The following C16orf54 variants were observed in gnomAD, a reference collection of about 807,000 sequenced individuals.
C16orf54 encodes the protein chromosome 16 open reading frame 54, also known as transmembrane protein C16orf54.
In C16orf54, 2 loss-of-function variants were observed where a neutral mutation model predicts 3.9. The observed-to-expected ratio is 0.52, with a 90% CI of 0.21 to 1.63. C16orf54 has a LOEUF of 1.63. C16orf54 is among the 40% of genes most tolerant of loss of function. C16orf54 has a pLI of 0.21. For synonymous variants in C16orf54, 128 were observed against 135.1 expected (o/e 0.95, Z 0.37); for missense variants, 272 against 326.3 (o/e 0.83, Z 1.28).
In C16orf54 at chr16:29,744,137, C is replaced by T. The variant is rs898697809; in HGVS notation, c.*140G>A. The T allele has an allele frequency of 2.6e-5, 21 of 809,818 alleles. No homozygotes were observed. Among genetic ancestry groups the T allele is most frequent in the Admixed American group, 5.2e-5 (2 of 38,454 alleles). The allele number at this position is 809,818 out of a possible 1,614,324, so 50.2% of individuals were successfully genotyped here. Reference sequence around the variant, plus strand: ...ACATAGCCTGGCCACCACCCAGACCCGGGGAGGGGGACTCCAGGTGGAAGG... The same window carrying T: ...ACATAGCCTGGCCACCACCCAGACCTGGGGAGGGGGACTCCAGGTGGAAGG... On this transcript the variant is annotated 3_prime_UTR_variant, in exon 2 of 2. Coordinates refer to ENST00000329410, the MANE Select transcript of C16orf54 (RefSeq NM_175900.4). The surrounding 1 kb of genome is among the most constrained non-coding windows in gnomAD (Gnocchi z 7.1).
Position 29,744,345 on chromosome 16 carries a change from G to A in C16orf54, c.607C>T (p.Pro203Ser), listed in dbSNP as rs1296818682. 6.2e-7 allele frequency: 1 copy of A among 1,612,840 alleles called. No individual in the cohort carries two copies. Among genetic ancestry groups the A allele is most frequent in the African/African-American group, 1.3e-5 (1 of 74,952 alleles). ...GSPDPEWGLQ[P>S]RVTLEQISAF... ...GAGATCTGCTCCAAGGTGACCCGTG[G>A]CTGGAGGCCCCACTCAGGATCCGGG... The change falls in exon 2 of 2, where the codon CCA (proline) becomes TCA (serine). Residue 203 changes from proline (P) to serine (S), a missense_variant. Pro to Ser is a moderately conservative substitution (Grantham distance 74). Coordinates refer to ENST00000329410, the MANE Select transcript of C16orf54 (RefSeq NM_175900.4). This position sits in a 1 kb window ranked among gnomAD's most constrained non-coding sequence, Gnocchi z 7.1.
intron 1 of C16orf54, 170 bp from the exon 2 acceptor site, chr16:29,745,121 C>A (rs939185803): frequency 1.5e-6 from 1 of 654,192 alleles, no homozygotes. Flanking sequence ...TCACTTGAGC[C>A]CAGGAGTTCA....
At position 29,744,962 on chromosome 16, in the gene C16orf54, CAG is replaced by C. The variant is rs746496809; in HGVS notation, c.1-13_1-12del. ...TGGAGTCAACGGCATCTGAGAGACACAGGGGTGAGAAGAGGAAGTAAATGAGG... is the reference window on the plus strand; with the variant it reads ...TGGAGTCAACGGCATCTGAGAGACACGGGTGAGAAGAGGAAGTAAATGAGG... On this transcript the variant is annotated splice_polypyrimidine_tract_variant and intron_variant, in intron 1 of 1. Transcript: ENST00000329410. This position sits in a 1 kb window ranked among gnomAD's most constrained non-coding sequence, Gnocchi z 7.1. 22 of 1,430,276 alleles carry C rather than the reference CAG, an allele frequency of 1.5e-5. No individual in the cohort carries two copies. Among genetic ancestry groups the C allele is most frequent in the South Asian group, 4.7e-5 (3 of 63,420 alleles). The allele number at this position is 1,430,276 out of a possible 1,614,324, so 88.6% of individuals were successfully genotyped here.
intron 1 of C16orf54, 199 bp from the exon 2 acceptor site, chr16:29,745,150 A>G: frequency 2.2e-6 from 1 of 452,894 alleles, no homozygotes; most frequent in East Asian, 3.5e-5. Context: ...CTGGACACAC[A>G]GTGAAACCTC....
rs752887121 is a variant in C16orf54, at chr16:29,744,855, G to T, written c.97C>A (p.Pro33Thr). 1.4e-6 allele frequency: 2 copies of T among 1,479,964 alleles called. No individual in the cohort carries two copies. Among genetic ancestry groups the T allele is most frequent in the Admixed American group, 2.7e-5 (1 of 36,782 alleles). 91.7% of individuals were successfully genotyped at this position (1,479,964 alleles called of 1,614,324 possible). ...WPSLPCGPCI[P>T]IMLVLATLAA... ...AGGGTGGCCAGGACCAGCATGATGGGGATGCAGGGCCCACAGGGCAGTGAG... is the reference window on the plus strand; with the variant it reads ...AGGGTGGCCAGGACCAGCATGATGGTGATGCAGGGCCCACAGGGCAGTGAG... The change falls in exon 2 of 2, where the codon CCC becomes ACC. Residue 33 changes from proline to threonine, a missense_variant. Pro to Thr is a conservative substitution (Grantham distance 38, BLOSUM62 -1). Coordinates refer to ENST00000329410, the MANE Select transcript of C16orf54 (RefSeq NM_175900.4). This position sits in a 1 kb window ranked among gnomAD's most constrained non-coding sequence, Gnocchi z 7.1.
At position 29,742,634 on chromosome 16, in the gene C16orf54, C is replaced by T. The variant is rs1968076628; in HGVS notation, c.*1643G>A. The T allele has an allele frequency of 6.6e-6, 1 of 152,006 alleles. No homozygotes were observed. The highest frequency in any genetic ancestry group is 1.5e-5 in the Non-Finnish European group (1 of 68,008). 9.4% of individuals were successfully genotyped at this position (152,006 alleles called of 1,614,324 possible). The stretch of plus-strand genomic sequence containing the variant: ...AGCAAATAATTGTACAGATGGTAAA[C>T]TAATATGGCAAAATCACTAATATTC... On this transcript the variant is annotated 3_prime_UTR_variant, in exon 2 of 2. Transcript: ENST00000329410.
rs372993933 is a variant in C16orf54, at chr16:29,744,690, C to G, written c.262G>C (p.Ala88Pro). 6.8e-7 allele frequency: 1 copy of G among 1,469,454 alleles called. No homozygotes were observed. Among genetic ancestry groups the G allele is most frequent in the South Asian group, 1.5e-5 (1 of 68,338 alleles). 91.0% of individuals were successfully genotyped at this position (1,469,454 alleles called of 1,614,324 possible). The part of the protein sequence containing the change: ...GELWIEPMGT[A>P]RERSEDWYGS... ...TACCAGTCCTCAGAGCGCTCTCGGG[C>G]GGTGCCCATGGGCTCAATCCACAGC... is the stretch of plus-strand genomic sequence containing the variant. The change falls in exon 2 of 2, where the codon GCC (alanine) becomes CCC (proline). Residue 88 changes from alanine to proline, a missense_variant. Coordinates refer to ENST00000329410, the MANE Select transcript of C16orf54 (RefSeq NM_175900.4). The surrounding 1 kb of genome is among the most constrained non-coding windows in gnomAD (Gnocchi z 7.1).
In C16orf54 at chr16:29,744,682, C is replaced by T; in HGVS notation, c.270G>A (p.Glu90=). The T allele has an allele frequency of 5.4e-6, 8 of 1,470,888 alleles. No homozygotes were observed. Among genetic ancestry groups the T allele is most frequent in the Non-Finnish European group, 7.2e-6 (8 of 1,112,066 alleles). The allele number at this position is 1,470,888 out of a possible 1,614,324, so 91.1% of individuals were successfully genotyped here. The part of the protein sequence containing the change: ...LWIEPMGTAR[E]RSEDWYGSAV... ...CAGAGCCATACCAGTCCTCAGAGCG[C>T]TCTCGGGCGGTGCCCATGGGCTCAA... Residue 90 remains glutamate (E), a synonymous_variant, in exon 2 of 2, where the codon GAG becomes GAA. Coordinates refer to ENST00000329410, the MANE Select transcript of C16orf54 (RefSeq NM_175900.4). The surrounding 1 kb of genome is among the most constrained non-coding windows in gnomAD (Gnocchi z 7.1).
intron 1 of C16orf54, chr16:29,745,227 GA>G (rs1968122762): frequency 2.7e-6 from 1 of 368,700 alleles, no homozygotes; most frequent in Non-Finnish European, 4.8e-6. Context: ...AGCTACACAG[GA>G]AGCTGAGGTG....
rs1168818071 is a variant in C16orf54 at position 29,744,084 on chromosome 16, A to C, written c.*193T>G. On this transcript the variant is annotated 3_prime_UTR_variant, in exon 2 of 2. Coordinates refer to ENST00000329410, the MANE Select transcript of C16orf54 (RefSeq NM_175900.4). This position sits in a 1 kb window ranked among gnomAD's most constrained non-coding sequence, Gnocchi z 7.1. ...TGAGCCACAGCCCAGGTAGCTGAGC[A>C]GAGGCACTGCTGGGCTTCCCCTAGT... The C allele has an allele frequency of 1.6e-6, 1 of 623,322 alleles. No individual in the cohort carries two copies. Among genetic ancestry groups the C allele is most frequent in the African/African-American group, 1.9e-5 (1 of 53,818 alleles). The allele number at this position is 623,322 out of a possible 1,614,324, so 38.6% of individuals were successfully genotyped here.
intron 1 of C16orf54, 135 bp from the exon 2 acceptor site, chr16:29,745,086 A>G: frequency 1.0e-6 from 1 of 994,346 alleles, no homozygotes; most frequent in Non-Finnish European, 1.3e-6. Flanking sequence ...GAATCCCAGC[A>G]CTTTGAGAGG....
chr16:29,744,069 C>A lies in C16orf54; in HGVS notation c.*208G>T. 1 of 607,530 alleles carries A rather than the reference C, an allele frequency of 1.6e-6. No individual in the cohort carries two copies. Among genetic ancestry groups the A allele is most frequent in the Non-Finnish European group, 2.9e-6 (1 of 344,820 alleles). 37.6% of individuals were successfully genotyped at this position (607,530 alleles called of 1,614,324 possible). The stretch of plus-strand genomic sequence containing the variant: ...CCACCCCCAGGTCTCTGAGCCACAG[C>A]CCAGGTAGCTGAGCAGAGGCACTGC... On this transcript the variant is annotated 3_prime_UTR_variant, in exon 2 of 2. Transcript: ENST00000329410. The surrounding 1 kb of genome is among the most constrained non-coding windows in gnomAD (Gnocchi z 7.1).
At chr16:29,745,643 C>A (rs1336489882) in intron 1 of C16orf54, among the ~76,000 whole-genome samples, 2 of 152,216 alleles carry the variant, frequency 1.3e-5, no homozygotes, top group Admixed American at 1.3e-4. Context: ...GTGTCTCCCC[C>A]ACCGCCTGCC....
In C16orf54 at chr16:29,743,345, T is replaced by C. The variant is rs940282966; in HGVS notation, c.*932A>G. 2 of 147,302 alleles carry C rather than the reference T, an allele frequency of 1.4e-5. No homozygotes were observed. The highest frequency in any genetic ancestry group is 5.0e-5 in the African/African-American group (2 of 40,190). The allele number at this position is 147,302 out of a possible 1,614,324, so 9.1% of individuals were successfully genotyped here. ...TCTGCTGCTCACCCACCTGCCTGCC[T>C]CTCCTAAAGGGAAGATTGGGTACTT... On this transcript the variant is annotated 3_prime_UTR_variant, in exon 2 of 2. Transcript: ENST00000329410.
chr16:29,745,318 C>G, intron 1 of C16orf54: 1 of 229,222 alleles, frequency 4.4e-6, no homozygotes, highest in Non-Finnish European at 8.4e-6. Flanking sequence ...GGCAATAGAG[C>G]AAGACCCTTT....
Position 29,743,812 on chromosome 16 carries a change from A to G in C16orf54, c.*465T>C. 1 of 175,720 alleles carries G rather than the reference A, an allele frequency of 5.7e-6. No individual in the cohort carries two copies. The highest frequency in any genetic ancestry group is 1.2e-5 in the Non-Finnish European group (1 of 83,760). The allele number at this position is 175,720 out of a possible 1,614,324, so 10.9% of individuals were successfully genotyped here. A position where few individuals can be genotyped will look rare whatever the true frequency, so the allele number is the denominator to read the frequency against. On this transcript the variant is annotated 3_prime_UTR_variant, in exon 2 of 2. Coordinates refer to ENST00000329410, the MANE Select transcript of C16orf54 (RefSeq NM_175900.4). Reference sequence around the variant, plus strand: ...GGACCTCACAGTGGGTGAGTGGCCAAGGAGAACAGGATTTGTGGCTCTGGG... The same window carrying G: ...GGACCTCACAGTGGGTGAGTGGCCAGGGAGAACAGGATTTGTGGCTCTGGG...
At position 29,744,140 on chromosome 16, in the gene C16orf54, G is replaced by A. The variant is rs1968103621; in HGVS notation, c.*137C>T. On this transcript the variant is annotated 3_prime_UTR_variant, in exon 2 of 2. Coordinates refer to ENST00000329410, the MANE Select transcript of C16orf54 (RefSeq NM_175900.4). The surrounding 1 kb of genome is among the most constrained non-coding windows in gnomAD (Gnocchi z 7.1). Reference sequence around the variant, plus strand: ...TAGCCTGGCCACCACCCAGACCCGGGGAGGGGGACTCCAGGTGGAAGGAGC... The same window carrying A: ...TAGCCTGGCCACCACCCAGACCCGGAGAGGGGGACTCCAGGTGGAAGGAGC... 1 of 817,490 alleles carries A rather than the reference G, an allele frequency of 1.2e-6. No homozygotes were observed. Among genetic ancestry groups the A allele is most frequent in the Admixed American group, 2.6e-5 (1 of 38,830 alleles). 50.6% of individuals were successfully genotyped at this position (817,490 alleles called of 1,614,324 possible). A position where few individuals can be genotyped will look rare whatever the true frequency, so the allele number is the denominator to read the frequency against.
chr16:29,744,861 A>G lies in C16orf54; in HGVS notation c.91T>C (p.Cys31Arg). 2.0e-6 allele frequency: 3 copies of G among 1,475,032 alleles called. No individual in the cohort carries two copies. The highest frequency in any genetic ancestry group is 2.7e-5 in the Admixed American group (1 of 36,590). The allele number at this position is 1,475,032 out of a possible 1,614,324, so 91.4% of individuals were successfully genotyped here. Residue 31 changes from cysteine to arginine, a missense_variant, in exon 2 of 2, where the codon TGC becomes CGC. Coordinates refer to ENST00000329410, the MANE Select transcript of C16orf54 (RefSeq NM_175900.4). The surrounding 1 kb of genome is among the most constrained non-coding windows in gnomAD (Gnocchi z 7.1). ...GCCAGGACCAGCATGATGGGGATGC[A>G]GGGCCCACAGGGCAGTGAGGGCCAT... is the stretch of plus-strand genomic sequence containing the variant. The part of the protein sequence containing the change: ...APWPSLPCGP[C>R]IPIMLVLATL...
chr16:29,744,904 G>A lies in C16orf54; in HGVS notation c.48C>T (p.Pro16=), dbSNP rs760386935. Residue 16 remains proline (P), a synonymous_variant, in exon 2 of 2, where the codon CCC becomes CCT. Transcript: ENST00000329410. The surrounding 1 kb of genome is among the most constrained non-coding windows in gnomAD (Gnocchi z 7.1). ...EPPSGRVEGP[P]AWEAAPWPSL... is the part of the protein sequence containing the mutation. ...AGGGCCATGGGGCTGCTTCCCATGC[G>A]GGGGGCCCCTCCACGCGCCCAGAGG... 12 of 1,464,354 alleles carry A rather than the reference G, an allele frequency of 8.2e-6. No homozygotes were observed. The East Asian group carries it at 1.6e-4, about 19-fold the overall frequency. The allele number at this position is 1,464,354 out of a possible 1,614,324, so 90.7% of individuals were successfully genotyped here. A position where few individuals can be genotyped will look rare whatever the true frequency, so the allele number is the denominator to read the frequency against.
Sources: gnomAD v4.1 joint callset for allele counts (sites outside exome capture counted in the v4.1 genomes callset) on GRCh38, gnomAD v4.1.1 for gene constraint, Gnocchi (gnomAD v3.1) non-coding constraint, MANE v1.5 for transcripts, NCBI Gene and HGNC (gene_info 2026-07-23, HGNC 2026-07-21) for gene names.